Variants in DTNBP1 observed in about 807,000 individuals in gnomAD.
DTNBP1 encodes the protein dystrobrevin binding protein 1, also known as dysbindin.
Under a neutral mutation model 42.8 loss-of-function variants are expected in DTNBP1, and 35 were observed. That is an observed-to-expected ratio of 0.82 (90% CI 0.63 to 1.09). DTNBP1 has a LOEUF of 1.09. DTNBP1 is among the 50% of genes least tolerant of loss of function. The pLI, the probability that DTNBP1 is intolerant of heterozygous loss-of-function variation, is 0.00. For missense variants in DTNBP1, 457 were observed against 424.2 expected, an observed-to-expected ratio of 1.08 and a Z score of -0.68; for synonymous variants, 171 against 162.2, an observed-to-expected ratio of 1.05 and a Z score of -0.41.
At chr6:15,622,676 T>C (rs1355531569) in intron 5 of DTNBP1, among the ~76,000 whole-genome samples, 2 of 152,202 alleles carry the variant, frequency 1.3e-5, no homozygotes, top group East Asian at 3.8e-4. Flanking sequence ...ATGTCTCATT[T>C]AGTGATCAGT....
At chr6:15,533,872 C>T (rs969068597) in intron 7 of DTNBP1, among the ~76,000 whole-genome samples, 1 of 152,234 alleles carries the variant, frequency 6.6e-6, no homozygotes, top group Non-Finnish European at 1.5e-5. Flanking sequence ...TGACTCATTT[C>T]AACATGCTGT....
intron 6 of DTNBP1, among the ~76,000 whole-genome samples, chr6:15,595,805 A>G (rs917433097): frequency 6.6e-6 from 1 of 152,220 alleles, no homozygotes; most frequent in African/African-American, 2.4e-5. Context: ...GAACAGCAAT[A>G]CTTCAGCAAG....
chr6:15,660,260 G>T, intron 1 of DTNBP1: 2 of 866,146 alleles, frequency 2.3e-6, no homozygotes, highest in Non-Finnish European at 3.3e-6. Context: ...AAACACATGT[G>T]TGCTGTGTTT....
Position 15,636,157 on chromosome 6 carries a change from C to CTTTTTTTTTTTTTT in DTNBP1, c.222+1573_222+1586dup, listed in dbSNP as rs70996562. Among the ~76,000 whole-genome samples, 340 of 126,898 alleles carry CTTTTTTTTTTTTTT rather than the reference C, an allele frequency of 2.7e-3. 16 individuals carry two copies. The highest frequency in any genetic ancestry group is 6.3e-3 in the African/African-American group (199 of 31,502). The allele number at this position is 126,898 out of a possible 152,430, so 83.3% of individuals were successfully genotyped here. Reference sequence around the variant, plus strand: ...GTCAAAGAACACAAATTACCTGCACCTTTTTTTTTTTTTTTGAGACAGAGT... The same window carrying CTTTTTTTTTTTTTT: ...GTCAAAGAACACAAATTACCTGCACCTTTTTTTTTTTTTTTTTTTTTTTTTTTTTGAGACAGAGT... On this transcript the variant is annotated intron_variant, in intron 4 of 9. Transcript: ENST00000344537.
At chr6:15,553,593 G>GTTTTTTTTTTTTT (rs1168459056) in intron 7 of DTNBP1, among the ~76,000 whole-genome samples, 3 of 14,266 alleles carry the variant, frequency 2.1e-4, no homozygotes, top group African/African-American at 3.6e-4. Context: ...TGACAAGTGA[G>GTTTTTTTTTTTTT]CTTTTTTTTT....
intron 9 of DTNBP1, chr6:15,523,480 T>C: frequency 7.7e-7 from 1 of 1,292,664 alleles, no homozygotes; most frequent in Non-Finnish European, 1.0e-6. Flanking sequence ...CCTAAGGCTG[T>C]AATACGCGTG....
intron 6 of DTNBP1, among the ~76,000 whole-genome samples, chr6:15,601,176 T>G (rs1776713923): frequency 6.6e-6 from 1 of 152,180 alleles, no homozygotes; most frequent in African/African-American, 2.4e-5. Context: ...AGGACCTTAG[T>G]TACTTAAAAA....
intron 7 of DTNBP1, among the ~76,000 whole-genome samples, chr6:15,541,197 A>G (rs532382928): frequency 4.6e-5 from 7 of 152,308 alleles, no homozygotes; most frequent in African/African-American, 1.7e-4. Flanking sequence ...TTGCTGCCCA[A>G]CAGCTAAGAG....
intron 6 of DTNBP1, among the ~76,000 whole-genome samples, chr6:15,608,603 C>G (rs1417001018): frequency 6.6e-6 from 1 of 152,224 alleles, no homozygotes; most frequent in Non-Finnish European, 1.5e-5. Flanking sequence ...GGCTCTTCCT[C>G]CTCCTGGGTT....
At chr6:15,532,697 C>CTTTTTTTTTTTTTTTT (rs373480713) in intron 8 of DTNBP1, among the ~76,000 whole-genome samples, 2 of 93,100 alleles carry the variant, frequency 2.1e-5, no homozygotes, top group Non-Finnish European at 3.9e-5. Flanking sequence ...TGTTTGTAAT[C>CTTTTTTTTTTTTTTTT]TTTTTTTTTT....
chr6:15,634,750 T>C (rs186319462), intron 4 of DTNBP1, among the ~76,000 whole-genome samples: 37 of 152,344 alleles, frequency 2.4e-4, no homozygotes, highest in Non-Finnish European at 1.8e-4. Flanking sequence ...TGAACGCTGA[T>C]AATCTGCCTT....
intron 4 of DTNBP1, among the ~76,000 whole-genome samples, chr6:15,633,681 A>G (rs1759825294): frequency 6.6e-6 from 1 of 152,168 alleles, no homozygotes; most frequent in Non-Finnish European, 1.5e-5. Context: ...ATCTTTTGTG[A>G]AAGGAAGAGT....
chr6:15,633,387 A>T (rs539052794), intron 4 of DTNBP1, among the ~76,000 whole-genome samples: 37 of 152,330 alleles, frequency 2.4e-4, no homozygotes, highest in African/African-American at 8.4e-4. Flanking sequence ...CACAACATTC[A>T]TGACTCATGG....
intron 1 of DTNBP1, among the ~76,000 whole-genome samples, chr6:15,660,912 G>T (rs1195327266): frequency 6.6e-6 from 1 of 152,144 alleles, no homozygotes; most frequent in African/African-American, 2.4e-5. Flanking sequence ...CTACAAATGG[G>T]CCATTTCAGC....
intron 5 of DTNBP1, among the ~76,000 whole-genome samples, chr6:15,625,901 T>A (rs900915821): frequency 2.0e-5 from 3 of 152,232 alleles, no homozygotes; most frequent in African/African-American, 4.8e-5. Context: ...GGACCATTAC[T>A]ATACCTGTAA....
chr6:15,600,096 C>A (rs80190104), intron 6 of DTNBP1, among the ~76,000 whole-genome samples: 2 of 151,916 alleles, frequency 1.3e-5, no homozygotes, highest in Non-Finnish European at 2.9e-5. Context: ...CCTGATCAAG[C>A]GGCACCAGGC....
Position 15,620,379 on chromosome 6 carries a change from C to T in DTNBP1, c.356-4980G>A, listed in dbSNP as rs958536705. On this transcript the variant is annotated intron_variant, in intron 5 of 9. Transcript: ENST00000344537. ...TTATATATATATTTTTTTGTAGAGA[C>T]GAGACCTCACTATGACCTGGCTGGT... Among the ~76,000 whole-genome samples, 2 of 152,106 alleles carry T rather than the reference C, an allele frequency of 1.3e-5. 1 individual carries two copies. Among genetic ancestry groups the T allele is most frequent in the South Asian group, 4.2e-4 (2 of 4,814 alleles).
intron 1 of DTNBP1, 75 bp downstream of exon 1, chr6:15,662,739 G>A (rs1047868258): frequency 6.3e-7 from 1 of 1,590,542 alleles, no homozygotes. Context: ...GCGCGGGGAA[G>A]GGAGCGAGGC....
intron 7 of DTNBP1, among the ~76,000 whole-genome samples, chr6:15,550,833 G>A (rs373892163): frequency 4.6e-5 from 7 of 152,318 alleles, no homozygotes; most frequent in South Asian, 2.1e-4. Context: ...CAGGGATGAC[G>A]GAAGATGGAC....
Sources: allele counts gnomAD v4.1 joint callset (sites outside exome capture counted in the v4.1 genomes callset), GRCh38; gene constraint gnomAD v4.1.1; transcripts MANE v1.5; gene names NCBI Gene and HGNC (gene_info 2026-07-23, HGNC 2026-07-21).